Variants in SPEF2 observed in about 807,000 individuals in gnomAD.
SPEF2 encodes sperm flagella and cilia-associated protein 2.
A neutral mutation model predicts 224.6 loss-of-function variants in SPEF2; 187 were observed. The observed-to-expected ratio is 0.83, with a 90% confidence interval of 0.74 to 0.94. The LOEUF (loss-of-function observed/expected upper bound fraction) is 0.94. Among genes scored for constraint, SPEF2 ranks in the 40% least tolerant of loss-of-function variants. SPEF2 has a pLI of 0.00. For synonymous variants in SPEF2, 715 were observed against 707.3 expected (o/e 1.01, Z -0.17); for missense variants, 2,170 against 2,135.6 (o/e 1.02, Z -0.32).
intron 23 of SPEF2, among the ~76,000 whole-genome samples, chr5:35,748,243 C>G (rs993981527): frequency 2.6e-5 from 4 of 151,922 alleles, no homozygotes; most frequent in Admixed American, 2.6e-4. Flanking sequence ...AGAGCACAAA[C>G]TGACATTCTA....
intron 20 of SPEF2, among the ~76,000 whole-genome samples, chr5:35,715,123 C>T (rs946238443): frequency 6.6e-6 from 1 of 151,942 alleles, no homozygotes; most frequent in Non-Finnish European, 1.5e-5. Flanking sequence ...CAGCATGTTG[C>T]CCAAGCTGGT....
chr5:35,638,042 TTTG>T (rs1447226339), intron 2 of SPEF2, among the ~76,000 whole-genome samples: 1 of 152,200 alleles, frequency 6.6e-6, no homozygotes, highest in Non-Finnish European at 1.5e-5. Context: ...CACTGATCAC[TTTG>T]TTGTCAGTTT....
chr5:35,644,615 T>A, intron 4 of SPEF2, 90 bp downstream of exon 4: 1 of 1,029,678 alleles, frequency 9.7e-7, no homozygotes. Context: ...TAAGTAGTAG[T>A]GGAGCACAAG....
intron 25 of SPEF2, among the ~76,000 whole-genome samples, chr5:35,762,058 ATAT>A (rs1751365526): frequency 6.6e-6 from 1 of 152,190 alleles, no homozygotes; most frequent in African/African-American, 2.4e-5. Context: ...AGCAATAATA[ATAT>A]TAGTAGTAGT....
chr5:35,695,392 A>T (rs1314168770), intron 13 of SPEF2, among the ~76,000 whole-genome samples: 3 of 151,896 alleles, frequency 2.0e-5, no homozygotes, highest in Non-Finnish European at 4.4e-5. Context: ...ACATTTTAAC[A>T]TTTTTTTGAA....
At chr5:35,696,522 A>G (rs1326702827) in intron 14 of SPEF2, among the ~76,000 whole-genome samples, 1 of 152,346 alleles carries the variant, frequency 6.6e-6, no homozygotes, top group East Asian at 1.9e-4. Flanking sequence ...TTTTATATTT[A>G]CATCTATTGA....
At chr5:35,812,583 A>G (rs1442657098) in intron 36 of SPEF2, among the ~76,000 whole-genome samples, 2 of 152,156 alleles carry the variant, frequency 1.3e-5, no homozygotes, top group Non-Finnish European at 2.9e-5. Flanking sequence ...TGAATAAACA[A>G]TTTTCTCTAA....
chr5:35,736,108 C>T (rs114438472), intron 21 of SPEF2, among the ~76,000 whole-genome samples: 5,909 of 152,270 alleles, frequency 0.039, 158 homozygotes, highest in Non-Finnish European at 0.052. Flanking sequence ...AAGATTAAGA[C>T]ACCTTTGTAG....
Position 35,644,408 on chromosome 5 carries a change from A to T in SPEF2, c.468A>T (p.Thr156=), listed in dbSNP as rs756898259. 16 of 1,610,444 alleles carry T rather than the reference A, an allele frequency of 9.9e-6. No individual in the cohort carries two copies. The highest frequency in any genetic ancestry group is 1.4e-5 in the Non-Finnish European group (16 of 1,178,374). ...CTGATTTCAATCTGATGCGGATTAC[A>T]TACAGGTTTCAAGAAAAATATAAAC... ...RQTDFNLMRI[T]YRFQEKYKHV... is the part of the protein sequence containing the mutation. The change falls in exon 4 of 37, where the codon ACA becomes ACT. Residue 156 remains threonine (T), a synonymous_variant. Transcript: ENST00000356031.
chr5:35,683,502 G>T (rs1753127049), intron 10 of SPEF2, among the ~76,000 whole-genome samples: 1 of 152,184 alleles, frequency 6.6e-6, no homozygotes, highest in Non-Finnish European at 1.5e-5. Context: ...ACACCTGCCT[G>T]TAATCCCTGC....
At chr5:35,744,059 A>G (rs1243247170) in intron 23 of SPEF2, among the ~76,000 whole-genome samples, 1 of 152,146 alleles carries the variant, frequency 6.6e-6, no homozygotes, top group African/African-American at 2.4e-5. Flanking sequence ...TTTGACTTCT[A>G]CCTGATATCA....
intron 4 of SPEF2, among the ~76,000 whole-genome samples, chr5:35,645,138 T>C (rs1043725475): frequency 6.6e-6 from 1 of 152,212 alleles, no homozygotes; most frequent in Non-Finnish European, 1.5e-5. Context: ...CATGAAATCA[T>C]TAAAGATTTT....
intron 33 of SPEF2, among the ~76,000 whole-genome samples, chr5:35,796,060 T>G (rs1424177962): frequency 2.6e-5 from 4 of 152,204 alleles, no homozygotes; most frequent in Non-Finnish European, 4.4e-5. Context: ...AGAATTCATC[T>G]TCTTCGTCTG....
At chr5:35,751,078 T>TACGTATATATATATACGTATATATATAC (rs1554048783) in intron 23 of SPEF2, among the ~76,000 whole-genome samples, 1 of 22,632 alleles carries the variant, frequency 4.4e-5, no homozygotes, top group African/African-American at 1.1e-4. Flanking sequence ...TATATATATA[T>TACGTATATATATATACGTATATATATAC]ACACACACAC....
At chr5:35,709,987 T>A in intron 19 of SPEF2, 1 of 982,656 alleles carries the variant, frequency 1.0e-6, no homozygotes, top group African/African-American at 1.7e-5. Flanking sequence ...TTGAGATAGG[T>A]CTTAATTTTT....
chr5:35,634,623 C>G (rs1004562537), intron 2 of SPEF2, among the ~76,000 whole-genome samples: 3 of 152,032 alleles, frequency 2.0e-5, no homozygotes, highest in Non-Finnish European at 2.9e-5. Context: ...TATCATTCTC[C>G]AATTATGTGT....
chr5:35,705,535 G>T, intron 17 of SPEF2, 116 bp from the exon 18 acceptor site: 3 of 672,676 alleles, frequency 4.5e-6, no homozygotes, highest in East Asian at 3.3e-5. Context: ...TTCTTTTTCA[G>T]ATACAATTAT....
At chr5:35,667,311 G>C in intron 9 of SPEF2, 52 bp downstream of exon 9, 1 of 1,429,390 alleles carries the variant, frequency 7.0e-7, no homozygotes, top group Non-Finnish European at 9.5e-7. Context: ...AATGAGGAAG[G>C]ATAAGATTGT....
At chr5:35,681,713 T>G (rs899778010) in intron 10 of SPEF2, among the ~76,000 whole-genome samples, 1 of 152,224 alleles carries the variant, frequency 6.6e-6, no homozygotes, top group African/African-American at 2.4e-5. Flanking sequence ...TTGTGCATTT[T>G]ATATCTACCT....
Sources: allele counts gnomAD v4.1 joint callset (sites outside exome capture counted in the v4.1 genomes callset), GRCh38; gene constraint gnomAD v4.1.1; transcripts MANE v1.5; gene names NCBI Gene and HGNC (gene_info 2026-07-23, HGNC 2026-07-21).